Variants in ZNF91 observed in about 807,000 individuals in gnomAD.
ZNF91 encodes the protein zinc finger protein 91 (HPF7, HTF10).
Under a neutral mutation model 12.6 loss-of-function variants are expected in ZNF91, and 7 were observed. The ratio of observed to expected loss-of-function variants is 0.55; its 90% CI spans 0.31 to 1.04. The LOEUF is 1.04. Among genes scored for constraint, ZNF91 ranks in the 50% least tolerant of loss-of-function variants. ZNF91 has a pLI of 0.05. For synonymous variants in ZNF91, 453 were observed against 462.6 expected (o/e 0.98, Z 0.27); for missense variants, 1,217 against 1,385.4 (o/e 0.88, Z 1.93).
chr19:23,339,103 T>C (rs1480322080), intron 3 of ZNF91: 2 of 134,734 alleles, frequency 1.5e-5, no homozygotes, highest in African/African-American at 5.5e-5. Flanking sequence ...TGAGAAAAAA[T>C]AACGCAAATC....
At position 23,360,275 on chromosome 19, in the gene ZNF91, T is replaced by C. The variant is rs1411473670; in HGVS notation, c.2704A>G (p.Arg902Gly). 3.1e-6 allele frequency: 5 copies of C among 1,613,896 alleles called. No homozygotes were observed. The highest frequency in any genetic ancestry group is 3.4e-6 in the Non-Finnish European group (4 of 1,179,872). The stretch of plus-strand genomic sequence containing the variant: ...TAGGTTTTCTCTCTGGTATGAATTC[T>C]CTTATGTTCAGTAAGGGTTGAGGAC... The part of the protein sequence containing the change: ...IWSSTLTEHK[R>G]IHTREKTYKC... Residue 902 changes from arginine to glycine, a missense_variant, in exon 4 of 4, where the codon AGA becomes GGA. By Grantham distance (125) the Arg-to-Gly change is moderately radical. Coordinates refer to ENST00000300619, the MANE Select transcript of ZNF91 (RefSeq NM_003430.4).
intron 3 of ZNF91, among the ~76,000 whole-genome samples, chr19:23,340,544 AT>A (rs960340909): frequency 1.3e-5 from 2 of 152,036 alleles, no homozygotes; most frequent in Admixed American, 1.3e-4. Context: ...ATAAAAAAAA[AT>A]GTCTTGACAA....
chr19:23,389,855 T>C (rs1970001092), intron 1 of ZNF91, among the ~76,000 whole-genome samples: 1 of 152,102 alleles, frequency 6.6e-6, no homozygotes, highest in African/African-American at 2.4e-5. Flanking sequence ...CTCACAACAT[T>C]GTCCTCACTG....
intron 3 of ZNF91, among the ~76,000 whole-genome samples, chr19:23,351,839 C>T (rs1004977774): frequency 6.6e-6 from 1 of 152,162 alleles, no homozygotes; most frequent in Non-Finnish European, 1.5e-5. Flanking sequence ...ACCCTCCTCT[C>T]CTGAACACAC....
intron 3 of ZNF91, chr19:23,342,135 C>A: frequency 2.4e-6 from 1 of 421,080 alleles, no homozygotes; most frequent in South Asian, 5.7e-5. Context: ...TCGTATCCCT[C>A]GTCTCTGTTA....
chr19:23,371,722 T>C (rs1450622307), intron 3 of ZNF91, among the ~76,000 whole-genome samples: 1 of 152,250 alleles, frequency 6.6e-6, no homozygotes, highest in East Asian at 1.9e-4. Context: ...TTTGACTAAC[T>C]GTGCAGTCAT....
intron 1 of ZNF91, among the ~76,000 whole-genome samples, chr19:23,321,794 C>T (rs770154668): frequency 7.2e-5 from 11 of 152,144 alleles, no homozygotes; most frequent in Non-Finnish European, 1.0e-4. Flanking sequence ...TGTTACATAT[C>T]TCTGTTCCCA....
At chr19:23,307,100 T>C (rs1967408843) in intron 3 of ZNF91, 1 of 152,220 alleles carries the variant, frequency 6.6e-6, no homozygotes, top group African/African-American at 2.4e-5. Context: ...TTTCCTTCTT[T>C]ACACGTTCTG....
At chr19:23,330,200 G>A (rs370391112) in intron 1 of ZNF91, among the ~76,000 whole-genome samples, 8 of 151,988 alleles carry the variant, frequency 5.3e-5, no homozygotes, top group Non-Finnish European at 8.8e-5. Context: ...GTGTTGGGGC[G>A]GGCGCCTGTA....
downstream of ZNF91, among the ~76,000 whole-genome samples, chr19:23,357,371 A>G (rs944990574): frequency 2.6e-5 from 4 of 152,246 alleles, no homozygotes; most frequent in Non-Finnish European, 4.4e-5. Context: ...CCATAAGCCA[A>G]AAGATTGTAC....
intron 1 of ZNF91, among the ~76,000 whole-genome samples, chr19:23,386,283 A>G (rs1291866360): frequency 3.3e-5 from 5 of 152,182 alleles, no homozygotes; most frequent in Non-Finnish European, 5.9e-5. Context: ...TGACCAAAAT[A>G]TTTTTAACAG....
chr19:23,315,974 C>T (rs1967550818), intron 1 of ZNF91, among the ~76,000 whole-genome samples: 1 of 152,154 alleles, frequency 6.6e-6, no homozygotes, highest in African/African-American at 2.4e-5. Flanking sequence ...GCCCAACATA[C>T]ATTGTGTATT....
upstream of ZNF91, among the ~76,000 whole-genome samples, chr19:23,313,737 G>T (rs2145846401): frequency 6.6e-6 from 1 of 152,292 alleles, no homozygotes; most frequent in Middle Eastern, 3.4e-3. Context: ...GAAGTTAAAA[G>T]TTGGATAATT....
intron 2 of ZNF91, chr19:23,307,693 C>G (rs293900): frequency 0.1 from 15,768 of 152,232 alleles, 1,259 homozygotes; most frequent in East Asian, 0.37. Context: ...TTCCTGAGTT[C>G]TACCCACAGG....
At chr19:23,343,205 A>C (rs1408374791) in intron 3 of ZNF91, among the ~76,000 whole-genome samples, 1 of 152,228 alleles carries the variant, frequency 6.6e-6, no homozygotes, top group African/African-American at 2.4e-5. Context: ...CATATGGAGA[A>C]GTCACAGTAA....
downstream of ZNF91, among the ~76,000 whole-genome samples, chr19:23,334,686 ACTT>A (rs1306339356): frequency 6.6e-6 from 1 of 152,216 alleles, no homozygotes; most frequent in Non-Finnish European, 1.5e-5. Flanking sequence ...GAAGGGACGG[ACTT>A]CTTTTCTCTC....
Position 23,357,913 on chromosome 19 carries a change from A to G in ZNF91, c.*1490T>C, listed in dbSNP as rs1968534887. 1 of 152,180 alleles carries G rather than the reference A, an allele frequency of 6.6e-6. No homozygotes were observed. Among genetic ancestry groups the G allele is most frequent in the African/African-American group, 2.4e-5 (1 of 41,460 alleles). 9.4% of individuals were successfully genotyped at this position (152,180 alleles called of 1,614,324 possible). A position where few individuals can be genotyped will look rare whatever the true frequency, so the allele number is the denominator to read the frequency against. ...CGTATCAAAATATGCCACATATGGC[A>G]TAATATGTACACATATTAGGTATCC... On this transcript the variant is annotated 3_prime_UTR_variant, in exon 4 of 4. Transcript: ENST00000300619.
At chr19:23,381,422 C>T (rs564427107) in intron 1 of ZNF91, among the ~76,000 whole-genome samples, 1 of 151,452 alleles carries the variant, frequency 6.6e-6, no homozygotes, top group South Asian at 2.1e-4. Flanking sequence ...ACAACACACT[C>T]CACTTTTCAG....
At chr19:23,319,988 C>G (rs1050641921) in intron 1 of ZNF91, among the ~76,000 whole-genome samples, 6 of 152,138 alleles carry the variant, frequency 3.9e-5, no homozygotes, top group African/African-American at 9.7e-5. Flanking sequence ...ATAAAGCCCA[C>G]AAGTGGTACA....
Sources: gnomAD v4.1 joint callset for allele counts (sites outside exome capture counted in the v4.1 genomes callset) on GRCh38, gnomAD v4.1.1 for gene constraint, MANE v1.5 for transcripts, NCBI Gene and HGNC (gene_info 2026-07-23, HGNC 2026-07-21) for gene names.